FAT2: variants seen among roughly 807,000 people sequenced by gnomAD.
The protein encoded by FAT2 is protocadherin Fat 2.
FAT2 carries 150 observed loss-of-function variants against 295.3 expected under a neutral mutation model. The observed-to-expected ratio is 0.51, with a 90% CI of 0.44 to 0.58. FAT2 has a LOEUF of 0.58. FAT2 is among the 20% of genes least tolerant of loss of function. The pLI is 0.00. For synonymous variants in FAT2, 2,026 were observed against 2,150.3 expected (o/e 0.94, Z 1.60); for missense variants, 4,868 against 5,442.7 (o/e 0.89, Z 3.32).
rs761553812 is a variant in FAT2, at chr5:151,566,819, A to G, written c.2113T>C (p.Tyr705His). ...SDEEFTSLSTYQINHYTPQFE... is the reference protein window; with the variant it reads ...SDEEFTSLSTHQINHYTPQFE... The stretch of plus-strand genomic sequence containing the variant: ...TGTGGGGTGTAATGATTAATCTGAT[A>G]TGTGCTTAAAGAAGTGAATTCCTCA... Residue 705 changes from tyrosine to histidine, a missense_variant, in exon 2 of 24, where the codon TAT (tyrosine) becomes CAT (histidine). Physicochemically the swap from Tyr to His is moderately conservative, Grantham distance 83. Coordinates refer to ENST00000261800, the MANE Select transcript of FAT2 (RefSeq NM_001447.3). The G allele has an allele frequency of 9.3e-6, 15 of 1,614,072 alleles. No homozygotes were observed. Among genetic ancestry groups the G allele is most frequent in the South Asian group, 1.1e-5 (1 of 91,090 alleles).
chr5:151,557,414 A>ACTGG (rs1757797344), intron 3 of FAT2, among the ~76,000 whole-genome samples: 1 of 152,114 alleles, frequency 6.6e-6, no homozygotes, highest in Non-Finnish European at 1.5e-5. Flanking sequence ...GGCCCTTGCA[A>ACTGG]CTGGCTCTGC....
chr5:151,553,402 A>G lies in FAT2; in HGVS notation c.3946-15T>C, dbSNP rs1458198385. 4.3e-6 allele frequency: 7 copies of G among 1,612,694 alleles called. No individual in the cohort carries two copies. Among genetic ancestry groups the G allele is most frequent in the Non-Finnish European group, 5.9e-6 (7 of 1,179,274 alleles). On this transcript the variant is annotated splice_polypyrimidine_tract_variant and intron_variant, in intron 5 of 23. Transcript: ENST00000261800. ...GTTGCCTTGATCTGAAAGGAGGCCA[A>G]CACCAAAACTGAGGTTTGGGGCCAA...
rs971697983 is a variant in FAT2 at position 151,591,330 on chromosome 5, T to A, written c.-186A>T. 4.6e-5 allele frequency among the ~76,000 whole-genome samples: 7 copies of A among 151,972 alleles called. No individual in the cohort carries two copies. The highest frequency in any genetic ancestry group is 1.7e-4 in the African/African-American group (7 of 41,352). On this transcript the variant is annotated 5_prime_UTR_variant, in exon 1 of 24. Coordinates refer to ENST00000261800, the MANE Select transcript of FAT2 (RefSeq NM_001447.3). ...TGCTGAGAAAGTTGGAGTAGGTGTG[T>A]CCCAGCCCAGGAGGAGGAGGAGGAG...
intron 4 of FAT2, among the ~76,000 whole-genome samples, chr5:151,555,837 C>T (rs1757643934): frequency 6.6e-6 from 1 of 152,154 alleles, no homozygotes; most frequent in Non-Finnish European, 1.5e-5. Context: ...GTTAGATTTC[C>T]ACCTGATCTG....
intron 9 of FAT2, among the ~76,000 whole-genome samples, chr5:151,546,565 G>T (rs1403876231): frequency 2.6e-5 from 4 of 152,044 alleles, no homozygotes; most frequent in Non-Finnish European, 4.4e-5. Context: ...AAGTTTCTGG[G>T]ACACAACTTA....
At chr5:151,510,814 GGT>G (rs1446155911) in intron 21 of FAT2, 2 of 152,384 alleles carry the variant, frequency 1.3e-5, no homozygotes, top group Non-Finnish European at 2.9e-5. Flanking sequence ...CAAAGAGAAA[GGT>G]GTTTCAGGCG....
intron 1 of FAT2, among the ~76,000 whole-genome samples, chr5:151,581,133 C>T (rs186209657): frequency 3.3e-5 from 5 of 152,272 alleles, no homozygotes; most frequent in Non-Finnish European, 4.4e-5. Flanking sequence ...AGTCCTGCCC[C>T]GGGCCCACTG....
At position 151,521,840 on chromosome 5, in the gene FAT2, C is replaced by T. The variant is rs778815358; in HGVS notation, c.10753G>A (p.Gly3585Ser). 3.3e-5 allele frequency: 54 copies of T among 1,614,088 alleles called. 1 individual carries two copies. The highest frequency in any genetic ancestry group is 8.5e-7 in the Non-Finnish European group (1 of 1,180,040). The change falls in exon 19 of 24, where the codon GGC becomes AGC. Residue 3585 changes from glycine to serine, a missense_variant. Gly to Ser is a moderately conservative substitution (Grantham distance 56, BLOSUM62 0). Transcript: ENST00000261800. Reference protein sequence around the residue: ...GRHFSVGAPDGKIIAAQGLPR... With the variant: ...GRHFSVGAPDSKIIAAQGLPR... ...AGGCCCTGGGCGGCGATAATCTTGCCATCAGGCGCACCCACTGAGAAGTGC... is the reference window on the plus strand; with the variant it reads ...AGGCCCTGGGCGGCGATAATCTTGCTATCAGGCGCACCCACTGAGAAGTGC...
At chr5:151,574,555 T>C (rs971007985) in intron 1 of FAT2, among the ~76,000 whole-genome samples, 7 of 152,190 alleles carry the variant, frequency 4.6e-5, no homozygotes. Context: ...ATTTCTCTTC[T>C]TAGTAGTAGG....
rs2127584204 is a variant in FAT2 at position 151,525,841 on chromosome 5, G to T, written c.10433C>A (p.Thr3478Asn). ...AGCAGTCACCAGCCATCCATCCGGG[G>T]TCACTCGGAAGGCAGAGCCGTTGTT... ...KGNNGSAFRV[T>N]PDGWLVTAEG... Residue 3478 changes from threonine to asparagine, a missense_variant, in exon 18 of 24, where the codon ACC becomes AAC. Around this residue, in one of 5 missense-constraint regions of FAT2, gnomAD observed 1,046 missense variants for 1,210.1 expected, o/e 0.86. Transcript: ENST00000261800. 1.9e-6 allele frequency: 3 copies of T among 1,614,044 alleles called. No individual in the cohort carries two copies. The highest frequency in any genetic ancestry group is 8.5e-7 in the Non-Finnish European group (1 of 1,179,942).
chr5:151,517,227 A>C (rs959704620), intron 20 of FAT2, among the ~76,000 whole-genome samples: 2 of 152,248 alleles, frequency 1.3e-5, no homozygotes, highest in African/African-American at 4.8e-5. Flanking sequence ...ATTATTACAA[A>C]GGAAATTTAT....
chr5:151,535,834 G>C (rs998605016), intron 12 of FAT2, among the ~76,000 whole-genome samples: 2 of 152,078 alleles, frequency 1.3e-5, no homozygotes, highest in African/African-American at 4.8e-5. Context: ...GACACCTGAG[G>C]GGTCTCCGCT....
chr5:151,508,434 G>A (rs1761059693), intron 22 of FAT2, among the ~76,000 whole-genome samples: 1 of 152,182 alleles, frequency 6.6e-6, no homozygotes, highest in Non-Finnish European at 1.5e-5. Context: ...AGTCGACTGG[G>A]CGCAGTGGCT....
rs2127627377 is a variant in FAT2 at position 151,553,282 on chromosome 5, C to T, written c.4051G>A (p.Glu1351Lys). The T allele has an allele frequency of 6.2e-7, 1 of 1,614,264 alleles. No individual in the cohort carries two copies. The highest frequency in any genetic ancestry group is 8.5e-7 in the Non-Finnish European group (1 of 1,180,052). ...RPSSIPLAFD[E>K]TYYSFTVMET... is the part of the protein sequence containing the mutation. Reference sequence around the variant, plus strand: ...ATGACCGTAAAGCTGTAGTAGGTCTCATCAAAGGCCAGAGGGATGGAGGAC... The same window carrying T: ...ATGACCGTAAAGCTGTAGTAGGTCTTATCAAAGGCCAGAGGGATGGAGGAC... The change falls in exon 6 of 24, where the codon GAG becomes AAG. Residue 1351 changes from glutamate to lysine, a missense_variant. Physicochemically the swap from Glu to Lys is moderately conservative, Grantham distance 56. Coordinates refer to ENST00000261800, the MANE Select transcript of FAT2 (RefSeq NM_001447.3).
Position 151,522,055 on chromosome 5 carries a change from G to A in FAT2, c.10538C>T (p.Ser3513Phe), listed in dbSNP as rs771397332. Reference sequence around the variant, plus strand: ...GACATGGACACGGACAGACGTCAAAGACGAGAGGGGAGGGATGCCACTGTC... The same window carrying A: ...GACATGGACACGGACAGACGTCAAAAACGAGAGGGGAGGGATGCCACTGTC... ...ASDSGIPPLS[S>F]LTSVRVHVTE... The change falls in exon 19 of 24, where the codon TCT (serine) becomes TTT (phenylalanine). Residue 3513 changes from serine to phenylalanine, a missense_variant. Physicochemically the swap from Ser to Phe is radical, Grantham distance 155. Coordinates refer to ENST00000261800, the MANE Select transcript of FAT2 (RefSeq NM_001447.3). 1.9e-6 allele frequency: 3 copies of A among 1,598,326 alleles called. No individual in the cohort carries two copies. Among genetic ancestry groups the A allele is most frequent in the African/African-American group, 1.3e-5 (1 of 74,636 alleles).
At chr5:151,532,648 A>T (rs1442477215) in intron 13 of FAT2, among the ~76,000 whole-genome samples, 1 of 152,212 alleles carries the variant, frequency 6.6e-6, no homozygotes, top group African/African-American at 2.4e-5. Flanking sequence ...GAAAACACCC[A>T]TGGAAGTTCT....
intron 12 of FAT2, among the ~76,000 whole-genome samples, chr5:151,537,115 A>G (rs1755403818): frequency 2.0e-5 from 3 of 152,100 alleles, no homozygotes; most frequent in Admixed American, 6.6e-5. Context: ...TCTGCTGTCA[A>G]ATATTCCCAT....
At chr5:151,540,428 T>G (rs534992838) in intron 11 of FAT2, 139 bp downstream of exon 11, 118 of 540,438 alleles carry the variant, frequency 2.2e-4, no homozygotes, top group African/African-American at 2.1e-3. Flanking sequence ...TGCCCCTCAA[T>G]CTCCCTTCTC....
Position 151,543,916 on chromosome 5 carries a change from A to G in FAT2, c.7211T>C (p.Ile2404Thr), listed in dbSNP as rs757336100. 9.9e-5 allele frequency: 159 copies of G among 1,614,070 alleles called. No homozygotes were observed. The highest frequency in any genetic ancestry group is 5.9e-5 in the Non-Finnish European group (70 of 1,180,044). ...CGHLVLKVQA[I>T]DPDSRDTSRL... ...GGAGGTGTCTCTGCTGTCAGGGTCA[A>G]TAGCCTGGACTTTAAGAACCAGGTG... The change falls in exon 10 of 24, where the codon ATT becomes ACT. Residue 2404 changes from isoleucine (I) to threonine (T), a missense_variant. By Grantham distance (89) the Ile-to-Thr change is moderately conservative (BLOSUM62 -1). Coordinates refer to ENST00000261800, the MANE Select transcript of FAT2 (RefSeq NM_001447.3).
Sources: gnomAD v4.1 joint callset for allele counts (sites outside exome capture counted in the v4.1 genomes callset) on GRCh38, gnomAD v4.1.1 for gene constraint, gnomAD v4.1.1 regional missense constraint, MANE v1.5 for transcripts, NCBI Gene and HGNC (gene_info 2026-07-23, HGNC 2026-07-21) for gene names.